The following PTPRT variants were observed in gnomAD, a reference collection of about 807,000 sequenced individuals.
PTPRT encodes protein tyrosine phosphatase receptor type T, also known as receptor-type tyrosine-protein phosphatase T.
In PTPRT, 56 loss-of-function variants were observed where a neutral mutation model predicts 176.8. The observed-to-expected ratio is 0.32, with a 90% CI of 0.26 to 0.40. The LOEUF (loss-of-function observed/expected upper bound fraction) is 0.40, where lower values mean the gene tolerates loss of function less well. Among genes scored for constraint, PTPRT ranks in the 10% least tolerant of loss-of-function variants. The probability of loss-of-function intolerance (pLI) is 1.00; values close to 1 mark genes in which losing one functional copy is unlikely to be tolerated. For synonymous variants in PTPRT, 783 were observed against 739.0 expected, an observed-to-expected ratio of 1.06 and a Z score of -0.96; for missense variants, 1,540 against 1,908.2, an observed-to-expected ratio of 0.81 and a Z score of 3.60.
rs140014292 is a variant in PTPRT, at chr20:42,191,284, A to T, written c.2491+7956T>A. 1.0e-3 allele frequency among the ~76,000 whole-genome samples: 154 copies of T among 152,300 alleles called. 4 individuals carry two copies. In the East Asian group the frequency reaches 0.028, roughly 27 times the overall value. On this transcript the variant is annotated intron_variant, in intron 16 of 30. Transcript: ENST00000373187. ...GATTTGGGCCCCAAAAGTCATCTTCATCTGGGCTGACTGAGGCAGCCCTAG... is the reference window on the plus strand; with the variant it reads ...GATTTGGGCCCCAAAAGTCATCTTCTTCTGGGCTGACTGAGGCAGCCCTAG...
intron 8 of PTPRT, among the ~76,000 whole-genome samples, chr20:42,467,459 G>A (rs1056320796): frequency 5.9e-5 from 9 of 152,066 alleles, no homozygotes; most frequent in Non-Finnish European, 1.2e-4. Context: ...AAAGATATAC[G>A]GAACCCTGGT....
Position 43,075,616 on chromosome 20 carries a change from T to C in PTPRT, c.88+114030A>G, listed in dbSNP as rs143553168. Among the ~76,000 whole-genome samples, 1,247 of 152,320 alleles carry C rather than the reference T, an allele frequency of 8.2e-3. 12 individuals are homozygous for C. The highest frequency in any genetic ancestry group is 0.028 in the African/African-American group (1,159 of 41,572). On this transcript the variant is annotated intron_variant, in intron 1 of 30. Coordinates refer to ENST00000373187, the MANE Select transcript of PTPRT (RefSeq NM_007050.6). ...TTCTCATTTAACATGAACTCTTCCA[T>C]TTAAAGGTAAAAGCAGAATAAATCT...
intron 19 of PTPRT, among the ~76,000 whole-genome samples, chr20:42,123,767 T>C (rs2146343707): frequency 6.6e-6 from 1 of 152,324 alleles, no homozygotes; most frequent in Middle Eastern, 3.4e-3. Context: ...TCTCGCTCCA[T>C]CCAAGCTTCT....
chr20:42,416,365 C>T (rs1467891448), intron 9 of PTPRT, among the ~76,000 whole-genome samples: 1 of 152,150 alleles, frequency 6.6e-6, no homozygotes, highest in Non-Finnish European at 1.5e-5. Flanking sequence ...GACCTCTGAC[C>T]TCCAGAATTG....
rs900914045 is a variant in PTPRT at position 42,616,730 on chromosome 20, C to A, written c.1153+61136G>T. Reference sequence around the variant, plus strand: ...GAATGGGAGTTCACTCATGATTTGGCTCTCTGTTTGTCTGTTGTTGGTGTA... The same window carrying A: ...GAATGGGAGTTCACTCATGATTTGGATCTCTGTTTGTCTGTTGTTGGTGTA... On this transcript the variant is annotated intron_variant, in intron 7 of 30. Coordinates refer to ENST00000373187, the MANE Select transcript of PTPRT (RefSeq NM_007050.6). Among the ~76,000 whole-genome samples the A allele has an allele frequency of 2.0e-3, 244 of 119,866 alleles. 43 individuals carry two copies. The highest frequency in any genetic ancestry group is 8.2e-3 in the African/African-American group (198 of 24,048). The allele number at this position is 119,866 out of a possible 152,430, so 78.6% of individuals were successfully genotyped here. A position where few individuals can be genotyped will look rare whatever the true frequency, so the allele number is the denominator to read the frequency against.
intron 2 of PTPRT, among the ~76,000 whole-genome samples, 154 bp from the exon 3 acceptor site, chr20:42,791,620 C>T (rs1421460610): frequency 6.6e-6 from 1 of 152,240 alleles, no homozygotes; most frequent in African/African-American, 2.4e-5. Flanking sequence ...AAAGCCACAT[C>T]TCTCTGAGCC....
intron 9 of PTPRT, among the ~76,000 whole-genome samples, chr20:42,410,413 C>T (rs1410257419): frequency 6.6e-6 from 1 of 151,842 alleles, no homozygotes; most frequent in Non-Finnish European, 1.5e-5. Flanking sequence ...AACAAAAATA[C>T]ACCACCAACA....
intron 16 of PTPRT, among the ~76,000 whole-genome samples, chr20:42,166,900 T>G (rs1042953226): frequency 6.7e-6 from 1 of 150,244 alleles, no homozygotes; most frequent in African/African-American, 2.5e-5. Context: ...CAGCCAGGGG[T>G]GACAGAGCAA....
intron 1 of PTPRT, among the ~76,000 whole-genome samples, chr20:42,955,750 A>G (rs1281427610): frequency 6.6e-6 from 1 of 151,690 alleles, no homozygotes; most frequent in Admixed American, 6.6e-5. Context: ...AGGCTGAGGC[A>G]GTACATTCTC....
chr20:42,811,731 A>G (rs1030012708), intron 2 of PTPRT, among the ~76,000 whole-genome samples: 1 of 152,072 alleles, frequency 6.6e-6, no homozygotes, highest in Non-Finnish European at 1.5e-5. Flanking sequence ...TAACCTTCAT[A>G]CCCTGATCTA....
chr20:42,070,679 G>A (rs1297257908), downstream of PTPRT, among the ~76,000 whole-genome samples: 1 of 152,104 alleles, frequency 6.6e-6, no homozygotes, highest in African/African-American at 2.4e-5. Flanking sequence ...TGCCACTTAC[G>A]TAGAATATGT....
chr20:42,563,976 C>T (rs1433460270), intron 7 of PTPRT, among the ~76,000 whole-genome samples: 1 of 152,210 alleles, frequency 6.6e-6, no homozygotes, highest in Non-Finnish European at 1.5e-5. Flanking sequence ...GGTGGCTCCA[C>T]TGTCCCAAAG....
chr20:42,121,735 G>A (rs1249145990), intron 19 of PTPRT, among the ~76,000 whole-genome samples: 1 of 145,476 alleles, frequency 6.9e-6, no homozygotes, highest in African/African-American at 2.6e-5. Flanking sequence ...ATATATATAT[G>A]GATATATATG....
intron 7 of PTPRT, among the ~76,000 whole-genome samples, chr20:42,500,533 A>G (rs2071733814): frequency 6.6e-6 from 1 of 152,114 alleles, no homozygotes; most frequent in Non-Finnish European, 1.5e-5. Context: ...TGTGACTAGT[A>G]TAACATTGTT....
rs1600592873 is a variant in PTPRT, at chr20:42,677,938, G to A, written c.1081C>T (p.Leu361Phe). 1 of 1,614,200 alleles carries A rather than the reference G, an allele frequency of 6.2e-7. No individual in the cohort carries two copies. The highest frequency in any genetic ancestry group is 8.5e-7 in the Non-Finnish European group (1 of 1,180,040). ...CCCCCCTCACCTGGTCGTGTGAGGA[G>A]CACTCGGATCTCATACTCAACATCG... ...DPDVEYEIRV[L>F]LTRPGEGGTG... Residue 361 changes from leucine to phenylalanine, a missense_variant, in exon 7 of 31, where the codon CTC becomes TTC. By Grantham distance (22) the Leu-to-Phe change is conservative. Around this residue, in one of 11 missense-constraint regions of PTPRT, gnomAD observed 273 missense variants for 432.1 expected, o/e 0.63. Transcript: ENST00000373187.
At chr20:42,233,575 C>T (rs962391871) in intron 15 of PTPRT, among the ~76,000 whole-genome samples, 22 of 152,142 alleles carry the variant, frequency 1.4e-4, no homozygotes, top group Non-Finnish European at 1.5e-4. Flanking sequence ...ATTAAATATA[C>T]CTTACCTGTT....
At chr20:42,844,628 T>A (rs1289500881) in intron 2 of PTPRT, among the ~76,000 whole-genome samples, 1 of 152,126 alleles carries the variant, frequency 6.6e-6, no homozygotes, top group East Asian at 1.9e-4. Flanking sequence ...TCCCCATGAC[T>A]TCCCCCACAT....
At chr20:42,482,187 C>A (rs2071400026) in intron 7 of PTPRT, among the ~76,000 whole-genome samples, 1 of 152,064 alleles carries the variant, frequency 6.6e-6, no homozygotes, top group Non-Finnish European at 1.5e-5. Context: ...GAAGATTAAG[C>A]CAGAGATAAA....
At chr20:42,793,851 T>C (rs2077413168) in intron 2 of PTPRT, among the ~76,000 whole-genome samples, 1 of 152,112 alleles carries the variant, frequency 6.6e-6, no homozygotes, top group Non-Finnish European at 1.5e-5. Flanking sequence ...CACAAAGGGT[T>C]TGTGACTGCC....
Sources: gnomAD v4.1 joint callset for allele counts (sites outside exome capture counted in the v4.1 genomes callset) on GRCh38, gnomAD v4.1.1 for gene constraint, gnomAD v4.1.1 regional missense constraint, MANE v1.5 for transcripts, NCBI Gene and HGNC (gene_info 2026-07-23, HGNC 2026-07-21) for gene names.